PDE6C: variants seen among roughly 807,000 people sequenced by gnomAD.
The protein encoded by PDE6C is phosphodiesterase 6C.
A neutral mutation model predicts 113.1 loss-of-function variants in PDE6C; 75 were observed. That is an observed-to-expected ratio of 0.66 (90% CI 0.55 to 0.80). PDE6C has a LOEUF of 0.80. PDE6C is among the 30% of genes least tolerant of loss of function. The pLI is 0.00. For missense variants in PDE6C, 912 were observed against 1,038.6 expected, an observed-to-expected ratio of 0.88 and a Z score of 1.67; for synonymous variants, 375 against 363.7, an observed-to-expected ratio of 1.03 and a Z score of -0.35.
chr10:93,615,824 C>CT (rs1456124581), intron 1 of PDE6C, among the ~76,000 whole-genome samples: 1 of 152,164 alleles, frequency 6.6e-6, no homozygotes, highest in African/African-American at 2.4e-5. Flanking sequence ...ATGGAAGGGG[C>CT]TTATGAAGTC....
At position 93,662,644 on chromosome 10, in the gene PDE6C, G is replaced by A; in HGVS notation, c.2367+1G>A. 1 of 1,216,668 alleles carries A rather than the reference G, an allele frequency of 8.2e-7. No individual in the cohort carries two copies. Among genetic ancestry groups the A allele is most frequent in the Non-Finnish European group, 1.2e-6 (1 of 818,020 alleles). 75.4% of individuals were successfully genotyped at this position (1,216,668 alleles called of 1,614,324 possible). A position where few individuals can be genotyped will look rare whatever the true frequency, so the allele number is the denominator to read the frequency against. On this transcript the variant is annotated splice_donor_variant, in intron 20 of 21. Transcript: ENST00000371447. LOFTEE classifies it high-confidence loss of function. ...TTTTGTTTGTACTTTTGTATATAAG[G>A]TAAGTAAGCAAATTATTTGAATTAA...
intron 8 of PDE6C, among the ~76,000 whole-genome samples, chr10:93,629,715 A>G (rs992914150): frequency 5.9e-5 from 9 of 152,144 alleles, no homozygotes; most frequent in African/African-American, 2.2e-4. Flanking sequence ...CACAACCCAG[A>G]TCTCTCACAT....
At position 93,639,947 on chromosome 10, in the gene PDE6C, G is replaced by T. The variant is rs572516344; in HGVS notation, c.1483-123G>T. On this transcript the variant is annotated intron_variant, in intron 11 of 21. Transcript: ENST00000371447. ...ATCATCCAGTGCCTGGCACATGGTG[G>T]TTCAGTGAATCACACATTGTGTTCT... is the stretch of plus-strand genomic sequence containing the variant. 8.2e-6 allele frequency: 8 copies of T among 976,034 alleles called. No individual in the cohort carries two copies. In the African/African-American group the frequency reaches 1.3e-4, roughly 16 times the overall value. 60.5% of individuals were successfully genotyped at this position (976,034 alleles called of 1,614,324 possible).
chr10:93,658,745 C>T (rs544567509), intron 16 of PDE6C, among the ~76,000 whole-genome samples, 156 bp from the exon 17 acceptor site: 4 of 147,904 alleles, frequency 2.7e-5, no homozygotes, highest in Non-Finnish European at 5.9e-5. Context: ...AGTTATACCA[C>T]CATTCTCTGC....
intron 18 of PDE6C, among the ~76,000 whole-genome samples, chr10:93,660,005 C>T (rs1380636903): frequency 6.6e-6 from 1 of 152,198 alleles, no homozygotes; most frequent in Non-Finnish European, 1.5e-5. Flanking sequence ...TGCTTTCTTA[C>T]TAATTGGATG....
chr10:93,630,223 T>C (rs892501474), intron 8 of PDE6C, among the ~76,000 whole-genome samples: 3 of 152,116 alleles, frequency 2.0e-5, no homozygotes, highest in African/African-American at 4.8e-5. Flanking sequence ...CACCGCCAGA[T>C]GCTCCCAGGA....
At chr10:93,653,007 C>G (rs2058616529) in intron 15 of PDE6C, among the ~76,000 whole-genome samples, 1 of 151,938 alleles carries the variant, frequency 6.6e-6, no homozygotes, top group South Asian at 2.1e-4. Context: ...GCTTTTTTTC[C>G]TAGTATAGCA....
intron 21 of PDE6C, among the ~76,000 whole-genome samples, chr10:93,663,415 C>G (rs779780978): frequency 1.1e-4 from 16 of 152,124 alleles, no homozygotes; most frequent in Non-Finnish European, 1.8e-4. Context: ...GAGGTTGGAG[C>G]TAGGCTTCTT....
rs559394664 is a variant in PDE6C, at chr10:93,661,020, C to G, written c.2209-1039C>G. ...AGAAGTAAAGTCTATTTTCTCCCAA[C>G]AAAACTTGCCCAAAGATCACTTTAT... is the stretch of plus-strand genomic sequence containing the variant. On this transcript the variant is annotated intron_variant, in intron 18 of 21. Coordinates refer to ENST00000371447, the MANE Select transcript of PDE6C (RefSeq NM_006204.4). Among the ~76,000 whole-genome samples, 37 of 152,212 alleles carry G rather than the reference C, an allele frequency of 2.4e-4. No homozygotes were observed. The South Asian group carries it at 7.5e-3, about 31-fold the overall frequency.
intron 1 of PDE6C, among the ~76,000 whole-genome samples, chr10:93,614,507 C>G (rs56299964): frequency 0.028 from 4,331 of 152,258 alleles, 82 homozygotes; most frequent in Middle Eastern, 0.044. Context: ...GCAAAGTTCT[C>G]TAGACAACCA....
intron 8 of PDE6C, among the ~76,000 whole-genome samples, chr10:93,632,454 C>T (rs1229234000): frequency 6.6e-6 from 1 of 152,148 alleles, no homozygotes; most frequent in African/African-American, 2.4e-5. Context: ...ATAGAATTTC[C>T]TCAGTTTTTT....
chr10:93,613,091 G>A lies in PDE6C; in HGVS notation c.366G>A (p.Lys122=). Reference sequence around the variant, plus strand: ...TGCTGGATGTCACCCCCACCTCCAAGTTTGAGGACAACCTGGTGGGCCCTG... The same window carrying A: ...TGCTGGATGTCACCCCCACCTCCAAATTTGAGGACAACCTGGTGGGCCCTG... ...SRLLDVTPTS[K]FEDNLVGPDK... is the part of the protein sequence containing the mutation. Residue 122 remains lysine (K), a synonymous_variant, in exon 1 of 22, where the codon AAG becomes AAA. Transcript: ENST00000371447. 3 of 1,614,208 alleles carry A rather than the reference G, an allele frequency of 1.9e-6. No individual in the cohort carries two copies. Among genetic ancestry groups the A allele is most frequent in the Non-Finnish European group, 2.5e-6 (3 of 1,180,034 alleles).
chr10:93,664,243 A>C (rs2058679863), intron 21 of PDE6C, among the ~76,000 whole-genome samples: 1 of 152,212 alleles, frequency 6.6e-6, no homozygotes, highest in African/African-American at 2.4e-5. Flanking sequence ...AGAAGGCACT[A>C]GTGTGCACAT....
rs765886352 is a variant in PDE6C, at chr10:93,635,539, A to G, written c.1312A>G (p.Thr438Ala). 8.7e-6 allele frequency: 14 copies of G among 1,611,986 alleles called. No individual in the cohort carries two copies. The highest frequency in any genetic ancestry group is 4.0e-5 in the African/African-American group (3 of 74,886). The change falls in exon 10 of 22, where the codon ACC becomes GCC. Residue 438 changes from threonine to alanine, a missense_variant. By Grantham distance (58) the Thr-to-Ala change is moderately conservative. Transcript: ENST00000371447. ...FLGWSLLNTD[T>A]YDKMNKLENR... is the part of the protein sequence containing the mutation. ...TGGATGGTCTCTTTTAAATACTGAC[A>G]CCTACGATAAGATGAATAAGCTAGA... is the stretch of plus-strand genomic sequence containing the variant.
intron 11 of PDE6C, 105 bp from the exon 12 acceptor site, chr10:93,639,965 T>G: frequency 8.7e-7 from 1 of 1,154,028 alleles, no homozygotes; most frequent in Non-Finnish European, 1.3e-6. Flanking sequence ...AATCACACAT[T>G]GTGTTCTTTT....
chr10:93,638,085 C>A lies in PDE6C; in HGVS notation c.1482+1022C>A, dbSNP rs188666614. On this transcript the variant is annotated intron_variant, in intron 11 of 21. Transcript: ENST00000371447. ...AATCCTGGGATATTTACGAAGACCC[C>A]AAGACCTTGAATTTCAGAGGATTGA... Among the ~76,000 whole-genome samples the A allele has an allele frequency of 9.2e-5, 14 of 152,248 alleles. No homozygotes were observed. The East Asian group carries it at 2.7e-3, about 29-fold the overall frequency.
Position 93,654,779 on chromosome 10 carries a change from TTTC to T in PDE6C, c.1936-978_1936-976del, listed in dbSNP as rs1295744473. ...CTTTCTTTCTTTCTTTCTTTCTTTC[TTTC>T]TTTCTTTCTTTCTTTCTTTCTTTCT... On this transcript the variant is annotated intron_variant, in intron 15 of 21. Coordinates refer to ENST00000371447, the MANE Select transcript of PDE6C (RefSeq NM_006204.4). 1.6e-3 allele frequency among the ~76,000 whole-genome samples: 89 copies of T among 55,162 alleles called. 1 individual carries two copies. The highest frequency in any genetic ancestry group is 4.4e-3 in the South Asian group (6 of 1,376). 36.2% of individuals were successfully genotyped at this position (55,162 alleles called of 152,430 possible). A position where few individuals can be genotyped will look rare whatever the true frequency, so the allele number is the denominator to read the frequency against.
In PDE6C at chr10:93,612,663, C is replaced by G; in HGVS notation, c.-63C>G. 6.2e-7 allele frequency: 1 copy of G among 1,609,000 alleles called. No homozygotes were observed. Among genetic ancestry groups the G allele is most frequent in the South Asian group, 1.1e-5 (1 of 90,638 alleles). ...CAGGATGAATTTCCTTCTCATCACT[C>G]TGCCTCAGGTAGTGCTCTGAAGGTC... On this transcript the variant is annotated 5_prime_UTR_variant, in exon 1 of 22. Transcript: ENST00000371447.
chr10:93,649,725 C>T (rs2058601044), intron 15 of PDE6C, among the ~76,000 whole-genome samples: 1 of 152,152 alleles, frequency 6.6e-6, no homozygotes, highest in Non-Finnish European at 1.5e-5. Flanking sequence ...ACACCTCAGC[C>T]TCCCAAGTAG....
Sources: allele counts gnomAD v4.1 joint callset (sites outside exome capture counted in the v4.1 genomes callset), GRCh38; gene constraint gnomAD v4.1.1; transcripts MANE v1.5; gene names NCBI Gene and HGNC (gene_info 2026-07-23, HGNC 2026-07-21).